SRPK1: variants seen among roughly 807,000 people sequenced by gnomAD.
SRPK1 encodes SFRS protein kinase 1.
In SRPK1, 52 loss-of-function variants were observed where a neutral mutation model predicts 89.5. That is an observed-to-expected ratio of 0.58 (90% CI 0.46 to 0.73). The LOEUF (loss-of-function observed/expected upper bound fraction) is 0.73, where lower values mean the gene tolerates loss of function less well. SRPK1 is among the 30% of genes least tolerant of loss of function. The probability of loss-of-function intolerance (pLI) is 0.00; values close to 1 mark genes in which losing one functional copy is unlikely to be tolerated. For synonymous variants in SRPK1, 255 were observed against 270.2 expected (o/e 0.94, Z 0.55); for missense variants, 603 against 780.6 (o/e 0.77, Z 2.71).
At chr6:35,852,291 A>G (rs2151082578) in intron 13 of SRPK1, among the ~76,000 whole-genome samples, 1 of 152,318 alleles carries the variant, frequency 6.6e-6, no homozygotes, top group South Asian at 2.1e-4. Flanking sequence ...AATGCCTGGG[A>G]TTCTGCACAT....
At chr6:35,892,498 A>C (rs1366689799) in intron 2 of SRPK1, among the ~76,000 whole-genome samples, 1 of 152,136 alleles carries the variant, frequency 6.6e-6, no homozygotes. Flanking sequence ...TTAAAAATAT[A>C]AAAATTAGCT....
chr6:35,883,293 GAAGGAGA>G (rs1303264929), intron 6 of SRPK1, among the ~76,000 whole-genome samples: 1 of 152,098 alleles, frequency 6.6e-6, no homozygotes, highest in Non-Finnish European at 1.5e-5. Context: ...GGAGGGTGAG[GAAGGAGA>G]ATCGCTTGAA....
chr6:35,899,911 G>C (rs563571766), intron 2 of SRPK1, among the ~76,000 whole-genome samples: 26 of 151,696 alleles, frequency 1.7e-4, no homozygotes, highest in African/African-American at 6.0e-4. Context: ...TGAGGTAGGA[G>C]AATCGCTTGA....
At chr6:35,855,061 G>A (rs1235888003) in intron 13 of SRPK1, among the ~76,000 whole-genome samples, 1 of 152,120 alleles carries the variant, frequency 6.6e-6, no homozygotes, top group Non-Finnish European at 1.5e-5. Context: ...CAGCACTTTG[G>A]GAGGCAGAAG....
chr6:35,853,517 C>CTGAA (rs1256857206), intron 13 of SRPK1, among the ~76,000 whole-genome samples: 2 of 151,636 alleles, frequency 1.3e-5, no homozygotes, highest in African/African-American at 4.9e-5. Context: ...TAAGGGATGA[C>CTGAA]TGAATATTCT....
At chr6:35,867,175 T>C (rs966892435) in intron 12 of SRPK1, among the ~76,000 whole-genome samples, 29 of 151,866 alleles carry the variant, frequency 1.9e-4, no homozygotes, top group African/African-American at 6.8e-4. Flanking sequence ...AAAAAAAGTA[T>C]CACTCTGATA....
intron 6 of SRPK1, among the ~76,000 whole-genome samples, chr6:35,875,098 G>C (rs1162675424): frequency 6.6e-6 from 1 of 152,112 alleles, no homozygotes; most frequent in Non-Finnish European, 1.5e-5. Flanking sequence ...CTCCATTAAA[G>C]GAAAGCCTGA....
At chr6:35,870,159 C>T (rs990616156) in intron 10 of SRPK1, 122 bp downstream of exon 10, 2 of 919,590 alleles carry the variant, frequency 2.2e-6, no homozygotes, top group Non-Finnish European at 3.2e-6. Context: ...TGACAAGATC[C>T]ATATTCTTAT....
chr6:35,920,103 A>G (rs1771197045), intron 2 of SRPK1: 2 of 469,734 alleles, frequency 4.3e-6, no homozygotes, highest in Non-Finnish European at 8.5e-6. Flanking sequence ...GTTGGGGAGC[A>G]GGTAAGAGAG....
intron 12 of SRPK1, among the ~76,000 whole-genome samples, chr6:35,864,069 A>C (rs1458684703): frequency 6.6e-6 from 1 of 152,240 alleles, no homozygotes; most frequent in Non-Finnish European, 1.5e-5. Context: ...GAAATCTAAG[A>C]TCTCAAACTT....
chr6:35,898,908 A>T (rs1230827681), intron 2 of SRPK1, among the ~76,000 whole-genome samples: 1 of 152,170 alleles, frequency 6.6e-6, no homozygotes, highest in Admixed American at 6.5e-5. Context: ...CACGCCTGTA[A>T]TCCCAGCACT....
chr6:35,872,272 T>G (rs1399918065), intron 8 of SRPK1, among the ~76,000 whole-genome samples: 1 of 152,202 alleles, frequency 6.6e-6, no homozygotes, highest in Non-Finnish European at 1.5e-5. Context: ...TAAATGAGCA[T>G]GTGTGATCAC....
At chr6:35,869,184 A>T in intron 11 of SRPK1, 74 bp from the exon 12 acceptor site, 1 of 1,277,834 alleles carries the variant, frequency 7.8e-7, no homozygotes, top group Non-Finnish European at 1.1e-6. Flanking sequence ...AAAGCTCTCC[A>T]AGGTAAGAGT....
At position 35,842,614 on chromosome 6, in the gene SRPK1, A is replaced by G; in HGVS notation, c.1621-10T>C. 6.2e-7 allele frequency: 1 copy of G among 1,602,498 alleles called. No individual in the cohort carries two copies. Among genetic ancestry groups the G allele is most frequent in the African/African-American group, 1.3e-5 (1 of 74,326 alleles). On this transcript the variant is annotated splice_polypyrimidine_tract_variant and intron_variant, in intron 13 of 15. Transcript: ENST00000373825. Reference sequence around the variant, plus strand: ...TGGCCAGTTCAAAGGCCTAAAAAAAAAAGAGGACAGTATATGAAAGCACAA... The same window carrying G: ...TGGCCAGTTCAAAGGCCTAAAAAAAGAAGAGGACAGTATATGAAAGCACAA...
intron 12 of SRPK1, among the ~76,000 whole-genome samples, chr6:35,857,798 T>C (rs1407677038): frequency 2.0e-5 from 3 of 152,228 alleles, no homozygotes. Context: ...CAATTTACTA[T>C]ACTTGTCTTT....
chr6:35,850,053 G>C (rs1769520371), intron 13 of SRPK1, among the ~76,000 whole-genome samples: 1 of 152,056 alleles, frequency 6.6e-6, no homozygotes, highest in African/African-American at 2.4e-5. Flanking sequence ...TACAGAGACT[G>C]GGGGGTGAAG....
At chr6:35,888,688 C>A in intron 4 of SRPK1, 127 bp downstream of exon 4, 1 of 648,888 alleles carries the variant, frequency 1.5e-6, no homozygotes, top group Non-Finnish European at 2.7e-6. Context: ...AGACTATTGC[C>A]AACAACAAAA....
intron 2 of SRPK1, among the ~76,000 whole-genome samples, chr6:35,897,030 A>G (rs141130254): frequency 6.6e-6 from 1 of 152,350 alleles, no homozygotes; most frequent in African/African-American, 2.4e-5. Flanking sequence ...GACAGAAAGT[A>G]GATTAGCGGT....
At chr6:35,907,231 G>A (rs2127266606) in intron 2 of SRPK1, among the ~76,000 whole-genome samples, 1 of 152,176 alleles carries the variant, frequency 6.6e-6, no homozygotes, top group South Asian at 2.1e-4. Context: ...AAAGGCAATG[G>A]AAAGACTTTG....
Sources: allele counts gnomAD v4.1 joint callset (sites outside exome capture counted in the v4.1 genomes callset), GRCh38; gene constraint gnomAD v4.1.1; transcripts MANE v1.5; gene names NCBI Gene and HGNC (gene_info 2026-07-23, HGNC 2026-07-21).